Variants in TRAPPC9 observed in about 807,000 individuals in gnomAD.
The protein encoded by TRAPPC9 is IKK2 binding protein.
TRAPPC9 carries 83 observed loss-of-function variants against 124.0 expected under a neutral mutation model. That is an observed-to-expected ratio of 0.67 (90% confidence interval 0.56 to 0.80). The LOEUF (loss-of-function observed/expected upper bound fraction) is 0.80, where lower values mean the gene tolerates loss of function less well. Ranked by LOEUF, TRAPPC9 falls within the 30% of genes least tolerant of loss-of-function variation. TRAPPC9 has a pLI of 0.00. For synonymous variants in TRAPPC9, 638 were observed against 617.5 expected, an observed-to-expected ratio of 1.03 and a Z score of -0.49; for missense variants, 1,302 against 1,508.3, an observed-to-expected ratio of 0.86 and a Z score of 2.27.
intron 19 of TRAPPC9, among the ~76,000 whole-genome samples, chr8:139,966,814 G>C (rs955274658): frequency 6.6e-5 from 10 of 152,200 alleles, no homozygotes; most frequent in African/African-American, 2.4e-4. Context: ...GCAGGTTTCA[G>C]ATGGTCATTT....
chr8:139,755,126 G>C (rs926959264), intron 21 of TRAPPC9, among the ~76,000 whole-genome samples: 1 of 152,240 alleles, frequency 6.6e-6, no homozygotes, highest in Non-Finnish European at 1.5e-5. Context: ...TCCGAGCCTC[G>C]TCTGCCCCAG....
chr8:139,814,065 C>G (rs1420443198), intron 21 of TRAPPC9, among the ~76,000 whole-genome samples: 1 of 152,220 alleles, frequency 6.6e-6, no homozygotes, highest in Non-Finnish European at 1.5e-5. Flanking sequence ...TGCATCTTCC[C>G]TCACTGCCTC....
At chr8:140,107,482 T>C (rs1479231171) in intron 17 of TRAPPC9, among the ~76,000 whole-genome samples, 1 of 152,154 alleles carries the variant, frequency 6.6e-6, no homozygotes, top group Non-Finnish European at 1.5e-5. Context: ...AGAACTGTCA[T>C]TGTAAGAGAA....
chr8:139,879,081 C>T (rs1429744204), intron 21 of TRAPPC9, among the ~76,000 whole-genome samples: 3 of 152,236 alleles, frequency 2.0e-5, no homozygotes, highest in Non-Finnish European at 4.4e-5. Flanking sequence ...TGCCAGGGAA[C>T]GAGGGCCCAG....
intron 17 of TRAPPC9, among the ~76,000 whole-genome samples, chr8:140,127,001 T>A (rs544670694): frequency 6.6e-6 from 1 of 152,362 alleles, no homozygotes; most frequent in Non-Finnish European, 1.5e-5. Context: ...GGTCTGGAAC[T>A]GGAGTCTACC....
Position 139,928,884 on chromosome 8 carries a change from C to T in TRAPPC9, c.2811-18584G>A, listed in dbSNP as rs539391022. Among the ~76,000 whole-genome samples the T allele has an allele frequency of 8.6e-5, 13 of 151,804 alleles. No individual in the cohort carries two copies. The South Asian group carries it at 2.1e-3, about 25-fold the overall frequency. The stretch of plus-strand genomic sequence containing the variant: ...TGGAGAGGAAGAATGCATCACAGCC[C>T]GTTGATTCTCCACAGTCCCTTGCAT... On this transcript the variant is annotated intron_variant, in intron 19 of 22. Coordinates refer to ENST00000438773, the MANE Select transcript of TRAPPC9 (RefSeq NM_001160372.4).
At chr8:140,068,737 T>C (rs1842996167) in intron 17 of TRAPPC9, among the ~76,000 whole-genome samples, 1 of 152,212 alleles carries the variant, frequency 6.6e-6, no homozygotes, top group Non-Finnish European at 1.5e-5. Flanking sequence ...AGCACTACTC[T>C]GGACGCTTGT....
intron 21 of TRAPPC9, among the ~76,000 whole-genome samples, chr8:139,854,996 G>A (rs958128961): frequency 3.3e-5 from 5 of 152,058 alleles, no homozygotes; most frequent in Admixed American, 2.0e-4. Context: ...CCTATCAATC[G>A]TCTTCATTCA....
At chr8:140,388,675 C>G (rs1303838572) in intron 7 of TRAPPC9, among the ~76,000 whole-genome samples, 2 of 151,174 alleles carry the variant, frequency 1.3e-5, no homozygotes, top group East Asian at 3.9e-4. Flanking sequence ...GAGCAAGACT[C>G]CATCTCAAAA....
At chr8:139,800,433 T>C (rs573586923) in intron 21 of TRAPPC9, among the ~76,000 whole-genome samples, 1 of 152,350 alleles carries the variant, frequency 6.6e-6, no homozygotes, top group South Asian at 2.1e-4. Flanking sequence ...AGAGCAGGGT[T>C]TCTGGTGGGT....
intron 21 of TRAPPC9, among the ~76,000 whole-genome samples, chr8:139,843,284 C>T (rs184110068): frequency 3.3e-5 from 5 of 152,180 alleles, no homozygotes; most frequent in Non-Finnish European, 7.3e-5. Flanking sequence ...TTCCCAGAGC[C>T]AGCAGGAGGG....
intron 17 of TRAPPC9, among the ~76,000 whole-genome samples, chr8:140,115,903 G>C (rs930126521): frequency 6.6e-6 from 1 of 152,176 alleles, no homozygotes; most frequent in Non-Finnish European, 1.5e-5. Flanking sequence ...GACAGTGCTC[G>C]TGAACACCTA....
intron 1 of TRAPPC9, among the ~76,000 whole-genome samples, chr8:140,451,934 A>G (rs1465652601): frequency 2.0e-5 from 3 of 152,152 alleles, no homozygotes; most frequent in African/African-American, 7.2e-5. Context: ...CAGCCTGGCC[A>G]ACATGGTGAA....
rs2062233353 is a variant in TRAPPC9 at position 140,182,740 on chromosome 8, T to TG, written c.2556+38718dup. Among the ~76,000 whole-genome samples the TG allele has an allele frequency of 6.6e-6, 1 of 152,182 alleles. No homozygotes were observed. The highest frequency in any genetic ancestry group is 1.5e-5 in the Non-Finnish European group (1 of 68,022). On this transcript the variant is annotated intron_variant, in intron 17 of 22. Transcript: ENST00000438773. This position sits in a 1 kb window ranked among gnomAD's most constrained non-coding sequence, Gnocchi z 4.0. The stretch of plus-strand genomic sequence containing the variant: ...AGCCTCTTGGCAATCATGACCCTCT[T>TG]GACCTGGCCTTGACCTATTACCCTC...
In TRAPPC9 at chr8:140,208,164, A is replaced by T. The variant is rs2062972199; in HGVS notation, c.2556+13295T>A. Among the ~76,000 whole-genome samples the T allele has an allele frequency of 2.0e-5, 3 of 152,148 alleles. No homozygotes were observed. The South Asian group carries it at 6.2e-4, about 32-fold the overall frequency. ...AAACTCTGTCTCAAAAAAAAAAAAA[A>T]AATTAATCTCAAATGTTTATTAAAA... On this transcript the variant is annotated intron_variant, in intron 17 of 22. Transcript: ENST00000438773.
chr8:140,147,427 G>C (rs577886251), intron 17 of TRAPPC9, among the ~76,000 whole-genome samples: 1 of 152,322 alleles, frequency 6.6e-6, no homozygotes, highest in African/African-American at 2.4e-5. Context: ...CCGCAGGTGA[G>C]GCCTTGTTCC....
intron 17 of TRAPPC9, among the ~76,000 whole-genome samples, chr8:140,133,707 T>C (rs1373461249): frequency 6.6e-6 from 1 of 152,152 alleles, no homozygotes; most frequent in East Asian, 1.9e-4. Flanking sequence ...TTCAGGTAAG[T>C]TGCAAGATAC....
At chr8:139,878,762 C>T (rs1829491544) in intron 21 of TRAPPC9, among the ~76,000 whole-genome samples, 1 of 152,168 alleles carries the variant, frequency 6.6e-6, no homozygotes, top group South Asian at 2.1e-4. Flanking sequence ...GCCGGGAGTT[C>T]AAGACCAGCC....
chr8:140,161,277 G>A (rs1182660084), intron 17 of TRAPPC9, among the ~76,000 whole-genome samples: 2 of 152,198 alleles, frequency 1.3e-5, no homozygotes, highest in African/African-American at 4.8e-5. Context: ...AGAAGCTGCA[G>A]CTCAAAGAGA....
Sources: allele counts gnomAD v4.1 joint callset (sites outside exome capture counted in the v4.1 genomes callset), GRCh38; gene constraint gnomAD v4.1.1; non-coding constraint Gnocchi (gnomAD v3.1); transcripts MANE v1.5; gene names NCBI Gene and HGNC (gene_info 2026-07-23, HGNC 2026-07-21).